Variants in ZNF536 observed in about 807,000 individuals in gnomAD.
ZNF536 encodes the protein zinc finger protein 536.
In ZNF536, 13 loss-of-function variants were observed where a neutral mutation model predicts 84.5. That is an observed-to-expected ratio of 0.15 (90% CI 0.10 to 0.24). ZNF536 has a LOEUF of 0.24. ZNF536 is among the 10% of genes least tolerant of loss of function. The pLI is 1.00. For synonymous variants in ZNF536, 811 were observed against 742.5 expected, an observed-to-expected ratio of 1.09 and a Z score of -1.50; for missense variants, 1,536 against 1,747.5, an observed-to-expected ratio of 0.88 and a Z score of 2.16.
rs771068303 is a variant in ZNF536 at position 30,534,984 on chromosome 19, C to T, written c.2308C>T (p.Leu770=). ...GACATCCCATCACCTTAAGGTGCACCTGAGGATACACACAGGTGAGAAGTC... is the reference window on the plus strand; with the variant it reads ...GACATCCCATCACCTTAAGGTGCACTTGAGGATACACACAGGTGAGAAGTC... ...FRTSHHLKVH[L]RIHTGEKPYK... is the part of the protein sequence containing the mutation. The change falls in exon 3 of 5, where the codon CTG becomes TTG. Residue 770 remains leucine, a synonymous_variant. Transcript: ENST00000355537. 1 of 1,612,216 alleles carries T rather than the reference C, an allele frequency of 6.2e-7. No individual in the cohort carries two copies. Among genetic ancestry groups the T allele is most frequent in the East Asian group, 2.2e-5 (1 of 44,794 alleles).
intron 1 of ZNF536, among the ~76,000 whole-genome samples, chr19:30,599,493 TCCTTCCC>T: frequency 7.9e-6 from 1 of 127,180 alleles, no homozygotes. Flanking sequence ...CCTCCTTCCT[TCCTTCCC>T]TCCTTCCTTT....
At chr19:30,336,596 A>C (rs2047391505) in intron 2 of ZNF536, among the ~76,000 whole-genome samples, 1 of 152,122 alleles carries the variant, frequency 6.6e-6, no homozygotes, top group South Asian at 2.1e-4. Flanking sequence ...CAGAGAGGAC[A>C]GAGAAAAGCA....
intron 2 of ZNF536, among the ~76,000 whole-genome samples, chr19:30,307,732 A>T (rs1018422561): frequency 6.6e-6 from 1 of 152,238 alleles, no homozygotes; most frequent in African/African-American, 2.4e-5. Flanking sequence ...CCTGACCCAC[A>T]AGTAAAACCG....
chr19:30,701,530 AACAC>A (rs1207814552), intron 1 of ZNF536, among the ~76,000 whole-genome samples: 36 of 146,440 alleles, frequency 2.5e-4, no homozygotes, highest in Non-Finnish European at 3.9e-4. Context: ...CAGACACACA[AACAC>A]ACAGACACAC....
intron 1 of ZNF536, among the ~76,000 whole-genome samples, chr19:30,602,721 C>T (rs1237773057): frequency 1.3e-5 from 2 of 152,106 alleles, no homozygotes; most frequent in African/African-American, 4.8e-5. Flanking sequence ...TGTGCTAGCT[C>T]AGTCTCAGAT....
chr19:30,672,279 A>G (rs993150194), intron 1 of ZNF536, among the ~76,000 whole-genome samples: 1 of 152,222 alleles, frequency 6.6e-6, no homozygotes, highest in African/African-American at 2.4e-5. Context: ...TGCTGATGTT[A>G]TAGAGACTTA....
chr19:30,701,398 AACACACACAGACACAAAAACACACAAAC>A (rs1568686353), intron 1 of ZNF536, among the ~76,000 whole-genome samples: 1 of 140,404 alleles, frequency 7.1e-6, no homozygotes, highest in East Asian at 2.1e-4. Context: ...GACACACCCA[AACACACACAGACACAAAAACACACAAAC>A]ACACACACAG....
intron 1 of ZNF536, among the ~76,000 whole-genome samples, chr19:30,574,131 T>C (rs2146586089): frequency 6.6e-6 from 1 of 152,368 alleles, no homozygotes; most frequent in Admixed American, 6.5e-5. Flanking sequence ...TAGTATCTAT[T>C]TCCCAAAATT....
intron 1 of ZNF536, among the ~76,000 whole-genome samples, chr19:30,648,553 A>T (rs1397231280): frequency 6.6e-6 from 1 of 152,140 alleles, no homozygotes; most frequent in Non-Finnish European, 1.5e-5. Flanking sequence ...TCCCCGGATC[A>T]AGTGGCAGAA....
At chr19:30,358,417 A>T (rs2048166276) in intron 3 of ZNF536, among the ~76,000 whole-genome samples, 2 of 151,982 alleles carry the variant, frequency 1.3e-5, no homozygotes, top group African/African-American at 2.4e-5. Flanking sequence ...CTTGTGGTAA[A>T]CTGAGGCTCC....
At chr19:30,562,583 C>T (rs933868396), downstream of ZNF536, among the ~76,000 whole-genome samples, 2 of 152,098 alleles carry the variant, frequency 1.3e-5, no homozygotes, top group African/African-American at 4.8e-5. Context: ...CACAGTTGAG[C>T]TTGAGAAGAC....
intron 2 of ZNF536, among the ~76,000 whole-genome samples, chr19:30,313,826 G>T (rs962537225): frequency 6.6e-6 from 1 of 152,190 alleles, no homozygotes; most frequent in African/African-American, 2.4e-5. Context: ...CTCCCAACCT[G>T]AAGGCCTTCT....
rs569702001 is a variant in ZNF536, at chr19:30,362,290, G to A, written c.-3+9806G>A. On this transcript the variant is annotated intron_variant, in intron 3 of 5. Coordinates refer to the ZNF536 transcript ENST00000585628. ...GCTAGTCCTCCAGGCAGAGGCGGGCGGCTTTCCTAGTGAGCTCCGGAAGAT... is the reference window on the plus strand; with the variant it reads ...GCTAGTCCTCCAGGCAGAGGCGGGCAGCTTTCCTAGTGAGCTCCGGAAGAT... Among the ~76,000 whole-genome samples the A allele has an allele frequency of 3.2e-4, 48 of 152,188 alleles. No homozygotes were observed. The South Asian group carries it at 8.5e-3, about 27-fold the overall frequency.
chr19:30,581,707 G>A (rs1226901545), intron 1 of ZNF536, among the ~76,000 whole-genome samples: 1 of 152,032 alleles, frequency 6.6e-6, no homozygotes, highest in Non-Finnish European at 1.5e-5. Flanking sequence ...GGAGGCCGAG[G>A]TGGGCGGATC....
intron 2 of ZNF536, among the ~76,000 whole-genome samples, chr19:30,475,208 G>A (rs4564706): frequency 0.24 from 37,222 of 152,024 alleles, 5,225 homozygotes; most frequent in East Asian, 0.5. Context: ...AGCCTCCCGA[G>A]TAGCTGGGAT....
chr19:30,505,780 C>G (rs1258787140), intron 2 of ZNF536, among the ~76,000 whole-genome samples: 2 of 151,928 alleles, frequency 1.3e-5, no homozygotes, highest in Non-Finnish European at 2.9e-5. Flanking sequence ...ATTCTCCTGC[C>G]TCAGCCTCCC....
chr19:30,600,050 T>G lies in ZNF536; in HGVS notation c.169+50536T>G, dbSNP rs535008823. ...CTCAAATGCTCCTAGCTGTTTTTTTTTTTTTGTTGTTGTTGTTGTTTTTTG... is the reference window on the plus strand; with the variant it reads ...CTCAAATGCTCCTAGCTGTTTTTTTGTTTTTGTTGTTGTTGTTGTTTTTTG... On this transcript the variant is annotated intron_variant, in intron 1 of 1. Coordinates refer to the ZNF536 transcript ENST00000592773. 1.5e-3 allele frequency among the ~76,000 whole-genome samples: 230 copies of G among 151,492 alleles called. 2 individuals carry two copies. The highest frequency in any genetic ancestry group is 5.8e-3 in the East Asian group (30 of 5,148).
intron 1 of ZNF536, among the ~76,000 whole-genome samples, chr19:30,643,654 C>T (rs891615102): frequency 6.6e-6 from 1 of 151,694 alleles, no homozygotes; most frequent in Admixed American, 6.6e-5. Context: ...AAAGCAATTT[C>T]TGCAGGGGGG....
chr19:30,446,524 G>A (rs1456462147), intron 2 of ZNF536, among the ~76,000 whole-genome samples: 1 of 151,914 alleles, frequency 6.6e-6, no homozygotes, highest in Non-Finnish European at 1.5e-5. Flanking sequence ...CTCTCATGCA[G>A]GCACCGCAGT....
Sources: allele counts gnomAD v4.1 joint callset (sites outside exome capture counted in the v4.1 genomes callset), GRCh38; gene constraint gnomAD v4.1.1; transcripts MANE v1.5; gene names NCBI Gene and HGNC (gene_info 2026-07-23, HGNC 2026-07-21).